The following FARS2 variants were observed in gnomAD, a reference collection of about 807,000 sequenced individuals.
The protein encoded by FARS2 is phenylalanyl-tRNA synthetase 2, mitochondrial.
A neutral mutation model predicts 46.4 loss-of-function variants in FARS2; 40 were observed. The ratio of observed to expected loss-of-function variants is 0.86; its 90% confidence interval spans 0.67 to 1.12. FARS2 has a LOEUF of 1.12. Ranked by LOEUF, FARS2 falls within the 50% of genes most tolerant of loss-of-function variation. The probability of loss-of-function intolerance (pLI) is 0.00; values close to 1 mark genes in which losing one functional copy is unlikely to be tolerated. For missense variants in FARS2, 513 were observed against 567.9 expected (o/e 0.90, Z 0.98); for synonymous variants, 234 against 214.9 (o/e 1.09, Z -0.78).
chr6:5,312,541 T>C (rs1769151940), intron 1 of FARS2, among the ~76,000 whole-genome samples: 1 of 152,188 alleles, frequency 6.6e-6, no homozygotes, highest in Non-Finnish European at 1.5e-5. Flanking sequence ...ATTTAACTCA[T>C]CTCTAGCCAC....
intron 1 of FARS2, among the ~76,000 whole-genome samples, chr6:5,357,137 C>A (rs79178457): frequency 6.6e-6 from 1 of 152,034 alleles, no homozygotes; most frequent in African/African-American, 2.4e-5. Flanking sequence ...TCCATCTTTT[C>A]GAAGGACTTC....
In FARS2 at chr6:5,534,153, A is replaced by G. The variant is rs74638072; in HGVS notation, c.905-11027A>G. Among the ~76,000 whole-genome samples, 529 of 152,346 alleles carry G rather than the reference A, an allele frequency of 3.5e-3. 3 individuals are homozygous for G. The highest frequency in any genetic ancestry group is 0.028 in the Admixed American group (427 of 15,298). ...AGTGTATCTCAGTGTTTTCAGAGACAGATGTGGTGATGAGAAAAAATATAT... is the reference window on the plus strand; with the variant it reads ...AGTGTATCTCAGTGTTTTCAGAGACGGATGTGGTGATGAGAAAAAATATAT... On this transcript the variant is annotated intron_variant, in intron 4 of 6. Coordinates refer to ENST00000274680, the MANE Select transcript of FARS2 (RefSeq NM_006567.5).
Position 5,273,658 on chromosome 6 carries a change from C to CATCA in FARS2, c.-22+11999_-22+12000insTCAA, listed in dbSNP as rs1160097636. 7.9e-5 allele frequency among the ~76,000 whole-genome samples: 12 copies of CATCA among 152,208 alleles called. No homozygotes were observed. The East Asian group carries it at 2.3e-3, about 29-fold the overall frequency. The stretch of plus-strand genomic sequence containing the variant: ...CTTTGTTGATTGTTTCCTTTGCTTA[C>CATCA]AGAAGCGTTTTTGCTTGATGTAATC... On this transcript the variant is annotated intron_variant, in intron 1 of 6. Transcript: ENST00000274680.
intron 2 of FARS2, among the ~76,000 whole-genome samples, chr6:5,390,162 C>A (rs947214468): frequency 6.6e-6 from 1 of 152,320 alleles, no homozygotes; most frequent in African/African-American, 2.4e-5. Flanking sequence ...CTGCACCCAG[C>A]CTCTACTACA....
chr6:5,326,789 G>T (rs1179117816), intron 1 of FARS2, among the ~76,000 whole-genome samples: 1 of 152,192 alleles, frequency 6.6e-6, no homozygotes, highest in Non-Finnish European at 1.5e-5. Flanking sequence ...GTTGTGGGGA[G>T]CATGAGGTAG....
intron 1 of FARS2, among the ~76,000 whole-genome samples, chr6:5,341,368 C>T (rs1771640443): frequency 6.8e-6 from 1 of 146,714 alleles, no homozygotes; most frequent in African/African-American, 2.5e-5. Context: ...TGCTCTTGAC[C>T]TGCCTACACT....
intron 5 of FARS2, among the ~76,000 whole-genome samples, chr6:5,576,181 T>C (rs1311865355): frequency 6.6e-6 from 1 of 152,158 alleles, no homozygotes; most frequent in African/African-American, 2.4e-5. Flanking sequence ...GTCAACTTCA[T>C]TGGATTGAAG....
chr6:5,333,616 C>T lies in FARS2; in HGVS notation c.-21-34934C>T, dbSNP rs573571738. Among the ~76,000 whole-genome samples the T allele has an allele frequency of 3.3e-5, 5 of 152,272 alleles. 1 individual carries two copies. The East Asian group carries it at 9.6e-4, about 29-fold the overall frequency. On this transcript the variant is annotated intron_variant, in intron 1 of 6. Transcript: ENST00000274680. ...CCTTGCCGGACACTGAGGATTTATT[C>T]ACCTTGAGCAGAGGCAGGCAGGTGT...
intron 1 of FARS2, among the ~76,000 whole-genome samples, chr6:5,351,812 C>A (rs1005354421): frequency 2.6e-5 from 4 of 152,196 alleles, no homozygotes; most frequent in African/African-American, 9.7e-5. Context: ...TCAATTCACA[C>A]ATCACTGCAC....
At chr6:5,261,021 G>T, upstream of FARS2, 2 of 1,016,622 alleles carry the variant, frequency 2.0e-6, no homozygotes, top group Non-Finnish European at 2.4e-6. Flanking sequence ...CCGCCCGGAG[G>T]CTCGGGACCC....
intron 4 of FARS2, among the ~76,000 whole-genome samples, chr6:5,522,335 C>T (rs1221839057): frequency 6.6e-6 from 1 of 152,190 alleles, no homozygotes; most frequent in Non-Finnish European, 1.5e-5. Flanking sequence ...AGTCTGTCTG[C>T]AAGGGGGTTA....
intron 4 of FARS2, among the ~76,000 whole-genome samples, chr6:5,522,126 CTT>C (rs1202597371): frequency 1.3e-5 from 2 of 152,208 alleles, no homozygotes; most frequent in African/African-American, 4.8e-5. Flanking sequence ...TTCATTGACA[CTT>C]TATTTCTCAG....
intron 1 of FARS2, among the ~76,000 whole-genome samples, chr6:5,359,988 C>A (rs1758198996): frequency 6.6e-6 from 1 of 152,194 alleles, no homozygotes; most frequent in Non-Finnish European, 1.5e-5. Context: ...AGTGCCTAGT[C>A]TAGAAGCAAC....
chr6:5,543,354 AG>A (rs1770746578), intron 4 of FARS2, among the ~76,000 whole-genome samples: 2 of 148,396 alleles, frequency 1.3e-5, no homozygotes, highest in Admixed American at 6.9e-5. Context: ...AACAATTATA[AG>A]GGTTTTCTGT....
At chr6:5,515,262 A>G (rs17140726) in intron 4 of FARS2, among the ~76,000 whole-genome samples, 2,518 of 152,314 alleles carry the variant, frequency 0.017, 54 homozygotes, top group African/African-American at 0.057. Flanking sequence ...TTGAAGTTCC[A>G]TGAAACTCTT....
chr6:5,609,844 T>C (rs1393300469), intron 5 of FARS2: 1 of 1,064,430 alleles, frequency 9.4e-7, no homozygotes, highest in African/African-American at 1.5e-5. Flanking sequence ...ATCTCTTAGG[T>C]GATGTTCTTC....
chr6:5,660,401 T>C (rs903952207), intron 6 of FARS2, among the ~76,000 whole-genome samples: 1 of 152,088 alleles, frequency 6.6e-6, no homozygotes, highest in Non-Finnish European at 1.5e-5. Context: ...ATTCCAATAC[T>C]TTGGGAGACT....
intron 4 of FARS2, among the ~76,000 whole-genome samples, chr6:5,492,506 TTTATC>T (rs1209386981): frequency 6.6e-5 from 10 of 152,244 alleles, no homozygotes; most frequent in Non-Finnish European, 2.9e-5. Context: ...TCTTCACAGC[TTTATC>T]TTAAGTACAG....
intron 1 of FARS2, among the ~76,000 whole-genome samples, chr6:5,325,047 G>C (rs1487353566): frequency 6.6e-6 from 1 of 152,192 alleles, no homozygotes; most frequent in Non-Finnish European, 1.5e-5. Flanking sequence ...ATCAAAAAAG[G>C]CTTTCAGTGT....
Sources: allele counts gnomAD v4.1 joint callset (sites outside exome capture counted in the v4.1 genomes callset), GRCh38; gene constraint gnomAD v4.1.1; transcripts MANE v1.5; gene names NCBI Gene and HGNC (gene_info 2026-07-23, HGNC 2026-07-21).